Variants in PRDM8 observed in about 807,000 individuals in gnomAD.
PRDM8 encodes the protein PR/SET domain 8.
In PRDM8, 13 loss-of-function variants were observed where a neutral mutation model predicts 46.5. The observed-to-expected ratio is 0.28, with a 90% CI of 0.18 to 0.44. PRDM8 has a LOEUF of 0.44. Ranked by LOEUF, PRDM8 falls within the 20% of genes least tolerant of loss-of-function variation. The pLI is 1.00. For synonymous variants in PRDM8, 473 were observed against 438.4 expected (o/e 1.08, Z -0.98); for missense variants, 998 against 955.0 (o/e 1.04, Z -0.59).
At chr4:80,195,646 C>A (rs939993147), upstream of PRDM8, among the ~76,000 whole-genome samples, 2 of 151,968 alleles carry the variant, frequency 1.3e-5, no homozygotes, top group Admixed American at 1.3e-4. Context: ...TGTGAGAGAG[C>A]CCTCATTGCA....
chr4:80,197,378 G>C (rs1318836189), upstream of PRDM8: 1 of 973,916 alleles, frequency 1.0e-6, no homozygotes. Flanking sequence ...AAAAAGCTGC[G>C]AGGCAGGCGG....
Position 80,202,357 on chromosome 4 carries a change from G to C in PRDM8, c.895G>C (p.Glu299Gln), listed in dbSNP as rs1294279847. ...CGGCGGCGGCGGCCACCAGGAGGCGGAGCTGAGTCCCGACGGCATCGCCAC... is the reference window on the plus strand; with the variant it reads ...CGGCGGCGGCGGCCACCAGGAGGCGCAGCTGAGTCCCGACGGCATCGCCAC... The part of the protein sequence containing the change: ...SGGGGGHQEA[E>Q]LSPDGIATGG... The change falls in exon 4 of 4, where the codon GAG becomes CAG. Residue 299 changes from glutamate to glutamine, a missense_variant. By Grantham distance (29) the Glu-to-Gln change is conservative. Coordinates refer to ENST00000415738, the MANE Select transcript of PRDM8 (RefSeq NM_001099403.2). 1 of 1,601,308 alleles carries C rather than the reference G, an allele frequency of 6.2e-7. No homozygotes were observed. The highest frequency in any genetic ancestry group is 2.3e-5 in the East Asian group (1 of 44,408).
Position 80,203,107 on chromosome 4 carries a change from C to T in PRDM8, c.1645C>T (p.Leu549Phe). 1 of 1,570,762 alleles carries T rather than the reference C, an allele frequency of 6.4e-7. No homozygotes were observed. The highest frequency in any genetic ancestry group is 8.6e-7 in the Non-Finnish European group (1 of 1,167,094). ...CGCCGCGGACCCTCTAGCGGTGAAG[C>T]TCCAGGGGGCCGCGGACCTGAACGG... ...PAAADPLAVK[L>F]QGAADLNGGC... The change falls in exon 4 of 4, where the codon CTC (leucine) becomes TTC (phenylalanine). Residue 549 changes from leucine to phenylalanine, a missense_variant. Physicochemically the swap from Leu to Phe is conservative, Grantham distance 22. Coordinates refer to ENST00000415738, the MANE Select transcript of PRDM8 (RefSeq NM_001099403.2).
chr4:80,201,810 G>A, intron 3 of PRDM8, 104 bp from the exon 4 acceptor site: 1 of 1,517,220 alleles, frequency 6.6e-7, no homozygotes, highest in Non-Finnish European at 9.0e-7. Flanking sequence ...TTGTCAAGGG[G>A]ATGGTGGCAA....
rs1289316607 is a variant in PRDM8, at chr4:80,203,066, C to T, written c.1604C>T (p.Thr535Ile). Residue 535 changes from threonine to isoleucine, a missense_variant, in exon 4 of 4, where the codon ACC (threonine) becomes ATC (isoleucine). Coordinates refer to ENST00000415738, the MANE Select transcript of PRDM8 (RefSeq NM_001099403.2). ...PCHPADGVGP[T>I]RLYPAAADPL... ...CACCCCGCCGACGGCGTGGGCCCCA[C>T]CAGACTCTATCCCGCCGCCGCGGAC... 1.9e-6 allele frequency: 3 copies of T among 1,567,342 alleles called. No homozygotes were observed. The highest frequency in any genetic ancestry group is 2.6e-6 in the Non-Finnish European group (3 of 1,165,864).
chr4:80,193,076 G>A (rs1260422442), upstream of PRDM8, among the ~76,000 whole-genome samples: 1 of 152,208 alleles, frequency 6.6e-6, no homozygotes, highest in East Asian at 1.9e-4. Context: ...GGAGCAGCAG[G>A]ATTAAAAGCA....
chr4:80,202,615 G>C lies in PRDM8; in HGVS notation c.1153G>C (p.Ala385Pro). Residue 385 changes from alanine to proline, a missense_variant, in exon 4 of 4, where the codon GCC becomes CCC. Ala to Pro is a conservative substitution (Grantham distance 27). Transcript: ENST00000415738. ...CGAGACGGGCGAGGCGAAGCGCAGC[G>C]CCTTCGTGGAGGTGAAGAAGGCTGC... is the stretch of plus-strand genomic sequence containing the variant. ...SPETGEAKRSAFVEVKKAARA... is the reference protein window; with the variant it reads ...SPETGEAKRSPFVEVKKAARA... The C allele has an allele frequency of 6.5e-7, 1 of 1,530,930 alleles. No homozygotes were observed. The highest frequency in any genetic ancestry group is 8.7e-7 in the Non-Finnish European group (1 of 1,144,880). 94.8% of individuals were successfully genotyped at this position (1,530,930 alleles called of 1,614,324 possible). A position where few individuals can be genotyped will look rare whatever the true frequency, so the allele number is the denominator to read the frequency against.
chr4:80,192,864 A>G (rs1177171896), upstream of PRDM8, among the ~76,000 whole-genome samples: 2 of 152,138 alleles, frequency 1.3e-5, no homozygotes, highest in African/African-American at 4.8e-5. Context: ...TAAAAGTCAT[A>G]CTCAGAGGCC....
At chr4:80,198,992 T>TG (rs1738203183) in intron 1 of PRDM8, among the ~76,000 whole-genome samples, 1 of 99,936 alleles carries the variant, frequency 1.0e-5, no homozygotes, top group African/African-American at 5.2e-5. Flanking sequence ...TTTTTTTTTT[T>TG]TGTTTTTTTT....
rs951714195 is a variant in PRDM8 at position 80,202,795 on chromosome 4, C to T, written c.1333C>T (p.Leu445=). The T allele has an allele frequency of 8.8e-5, 108 of 1,233,144 alleles. No individual in the cohort carries two copies. In the Middle Eastern group the frequency reaches 1.9e-3, roughly 22 times the overall value. The allele number at this position is 1,233,144 out of a possible 1,614,324, so 76.4% of individuals were successfully genotyped here. A position where few individuals can be genotyped will look rare whatever the true frequency, so the allele number is the denominator to read the frequency against. The change falls in exon 4 of 4, where the codon CTG becomes TTG. Residue 445 remains leucine (L), a synonymous_variant. Transcript: ENST00000415738. ...GCTGGCCCCGCGGCCTGGGGGCCCG[C>T]TGCCCAGCCGGCTCGAGGGCGGCAG... ...KLLAPRPGGP[L]PSRLEGGSPA...
At chr4:80,190,288 C>T (rs1737443796) in intron 1 of PRDM8, 1 of 152,264 alleles carries the variant, frequency 6.6e-6, no homozygotes, top group Admixed American at 6.5e-5. Flanking sequence ...CACTAATTGC[C>T]GGTGGAAGGC....
In PRDM8 at chr4:80,201,875, T is replaced by TGTGC. The variant is rs777408932; in HGVS notation, c.452-38_452-37insTGCG. The TGTGC allele has an allele frequency of 1.7e-5, 26 of 1,488,470 alleles. No homozygotes were observed. The African/African-American group carries it at 4.6e-4, about 26-fold the overall frequency. The allele number at this position is 1,488,470 out of a possible 1,614,324, so 92.2% of individuals were successfully genotyped here. A position where few individuals can be genotyped will look rare whatever the true frequency, so the allele number is the denominator to read the frequency against. On this transcript the variant is annotated intron_variant, in intron 3 of 3. Coordinates refer to ENST00000415738, the MANE Select transcript of PRDM8 (RefSeq NM_001099403.2). ...TGTGGTGTGCGTGTGTGTGTGTGTG[T>TGTGC]GCGTGCGTGCGTGTGTGTGGTGTTT...
chr4:80,197,641 G>T lies in PRDM8; in HGVS notation c.-125G>T. 1 of 982,460 alleles carries T rather than the reference G, an allele frequency of 1.0e-6. No individual in the cohort carries two copies. Among genetic ancestry groups the T allele is most frequent in the Non-Finnish European group, 1.2e-6 (1 of 828,024 alleles). The allele number at this position is 982,460 out of a possible 1,614,324, so 60.9% of individuals were successfully genotyped here. On this transcript the variant is annotated 5_prime_UTR_variant, in exon 1 of 4. Coordinates refer to ENST00000415738, the MANE Select transcript of PRDM8 (RefSeq NM_001099403.2). ...TCTCTTCAGGAAGAGCCTAAAAGGCGGCAACACCAACACCTCTTGACATGG... is the reference window on the plus strand; with the variant it reads ...TCTCTTCAGGAAGAGCCTAAAAGGCTGCAACACCAACACCTCTTGACATGG...
In PRDM8 at chr4:80,202,790, G is replaced by C; in HGVS notation, c.1328G>C (p.Gly443Ala). 8.1e-7 allele frequency: 1 copy of C among 1,235,042 alleles called. No homozygotes were observed. The highest frequency in any genetic ancestry group is 1.0e-6 in the Non-Finnish European group (1 of 992,204). The allele number at this position is 1,235,042 out of a possible 1,614,324, so 76.5% of individuals were successfully genotyped here. A position where few individuals can be genotyped will look rare whatever the true frequency, so the allele number is the denominator to read the frequency against. The change falls in exon 4 of 4, where the codon GGC becomes GCC. Residue 443 changes from glycine (G) to alanine (A), a missense_variant. By Grantham distance (60) the Gly-to-Ala change is moderately conservative. Coordinates refer to ENST00000415738, the MANE Select transcript of PRDM8 (RefSeq NM_001099403.2). ...AAGCTGCTGGCCCCGCGGCCTGGGG[G>C]CCCGCTGCCCAGCCGGCTCGAGGGC... is the stretch of plus-strand genomic sequence containing the variant. ...AEKLLAPRPG[G>A]PLPSRLEGGS...
chr4:80,195,272 AT>A (rs369425374), upstream of PRDM8, among the ~76,000 whole-genome samples: 1 of 152,182 alleles, frequency 6.6e-6, no homozygotes, highest in African/African-American at 2.4e-5. Flanking sequence ...AAGGGACCAC[AT>A]GACTCTCTTA....
chr4:80,203,137 T>C lies in PRDM8; in HGVS notation c.1675T>C (p.Cys559Arg), dbSNP rs1221790783. ...GGGGGCCGCGGACCTGAACGGAGGT[T>C]GCGGGTCCCTGCCGAGCGGCGGCGG... ...LQGAADLNGGCGSLPSGGGGL... is the reference protein window; with the variant it reads ...LQGAADLNGGRGSLPSGGGGL... The change falls in exon 4 of 4, where the codon TGC (cysteine) becomes CGC (arginine). Residue 559 changes from cysteine to arginine, a missense_variant. Cys to Arg is a radical substitution (Grantham distance 180). Coordinates refer to ENST00000415738, the MANE Select transcript of PRDM8 (RefSeq NM_001099403.2). The C allele has an allele frequency of 6.4e-7, 1 of 1,556,146 alleles. No individual in the cohort carries two copies. Among genetic ancestry groups the C allele is most frequent in the Non-Finnish European group, 8.6e-7 (1 of 1,158,978 alleles).
Position 80,201,915 on chromosome 4 carries a change from G to C in PRDM8, c.453G>C (p.Gly151=), listed in dbSNP as rs1217267392. Residue 151 remains glycine, a splice_region_variant and synonymous_variant, in exon 4 of 4, where the codon GGG becomes GGC. Coordinates refer to ENST00000415738, the MANE Select transcript of PRDM8 (RefSeq NM_001099403.2). ...CPSRSHNKMN[G]SSPYTCLECS... is the part of the protein sequence containing the mutation. ...GTGTGGTGTTTGCTCACTAAGCAGG[G>C]TCGTCCCCTTACACATGCCTGGAAT... 1.2e-6 allele frequency: 2 copies of C among 1,613,750 alleles called. No individual in the cohort carries two copies. Among genetic ancestry groups the C allele is most frequent in the South Asian group, 2.2e-5 (2 of 91,056 alleles).
At chr4:80,186,666 T>C (rs187300760) in intron 1 of PRDM8, among the ~76,000 whole-genome samples, 6 of 152,346 alleles carry the variant, frequency 3.9e-5, no homozygotes, top group African/African-American at 1.4e-4. Context: ...AGCTTTCAAT[T>C]GAAAACCAAT....
At chr4:80,195,822 C>T (rs147981302), upstream of PRDM8, among the ~76,000 whole-genome samples, 20 of 151,878 alleles carry the variant, frequency 1.3e-4, no homozygotes, top group African/African-American at 4.6e-4. Flanking sequence ...TTTTGCAGCC[C>T]TTCCTTCTGT....
Sources: gnomAD v4.1 joint callset for allele counts (sites outside exome capture counted in the v4.1 genomes callset) on GRCh38, gnomAD v4.1.1 for gene constraint, MANE v1.5 for transcripts, NCBI Gene and HGNC (gene_info 2026-07-23, HGNC 2026-07-21) for gene names.